Variants in C12orf42 observed in about 807,000 individuals in gnomAD.
The protein encoded by C12orf42 is chromosome 12 open reading frame 42.
C12orf42 carries 25 observed loss-of-function variants against 21.6 expected under a neutral mutation model. The observed-to-expected ratio is 1.16, with a 90% CI of 0.84 to 1.62. The LOEUF is 1.62. Ranked by LOEUF, C12orf42 falls within the 40% of genes most tolerant of loss-of-function variation. C12orf42 has a pLI of 0.00. For missense variants in C12orf42, 483 were observed against 459.3 expected, an observed-to-expected ratio of 1.05 and a Z score of -0.47; for synonymous variants, 174 against 175.0, an observed-to-expected ratio of 0.99 and a Z score of 0.05.
intron 1 of C12orf42, among the ~76,000 whole-genome samples, chr12:103,489,858 G>A (rs552675570): frequency 2.0e-5 from 3 of 152,102 alleles, no homozygotes; most frequent in Non-Finnish European, 4.4e-5. Flanking sequence ...AGCTTGTCAC[G>A]GCTTCCCTTG....
chr12:103,397,450 C>T (rs950798824), intron 3 of C12orf42, among the ~76,000 whole-genome samples: 1 of 152,172 alleles, frequency 6.6e-6, no homozygotes, highest in Admixed American at 6.5e-5. Context: ...ACTAGATTAT[C>T]ACAGGAGCTC....
chr12:103,294,440 A>G (rs369657550), intron 4 of C12orf42, among the ~76,000 whole-genome samples: 164 of 122,524 alleles, frequency 1.3e-3, no homozygotes, highest in African/African-American at 3.0e-3. Flanking sequence ...GAAAGAAAGA[A>G]AGAAAGAAAG....
the C12orf42 span, among the ~76,000 whole-genome samples, chr12:103,524,680 C>T: frequency 6.6e-6 from 1 of 152,144 alleles, no homozygotes; most frequent in African/African-American, 2.4e-5. Context: ...TGGGTCATTC[C>T]CTGGCAAGGT....
rs570934133 is a variant in C12orf42 at position 103,416,615 on chromosome 12, T to C, written c.79-14940A>G. ...CACATACATGCTACATTTATTACTA[T>C]ATGCAAGACAGTTAAAAAAAAAGAG... On this transcript the variant is annotated intron_variant, in intron 2 of 5. Transcript: ENST00000548883. Among the ~76,000 whole-genome samples the C allele has an allele frequency of 6.1e-5, 8 of 130,638 alleles. No individual in the cohort carries two copies. In the Admixed American group the frequency reaches 7.0e-4, roughly 11 times the overall value. 85.7% of individuals were successfully genotyped at this position (130,638 alleles called of 152,430 possible). A position where few individuals can be genotyped will look rare whatever the true frequency, so the allele number is the denominator to read the frequency against.
chr12:103,124,044 C>T, the C12orf42 span, among the ~76,000 whole-genome samples: 1 of 151,740 alleles, frequency 6.6e-6, no homozygotes, highest in Non-Finnish European at 1.5e-5. Flanking sequence ...GAAACTCTTA[C>T]CCTGTGGTCA....
At chr12:103,403,557 A>G (rs181734234) in intron 2 of C12orf42, among the ~76,000 whole-genome samples, 1 of 152,268 alleles carries the variant, frequency 6.6e-6, no homozygotes, top group East Asian at 1.9e-4. Context: ...AAATTTCAGA[A>G]TCTGGACTTT....
chr12:103,272,228 C>A (rs1436486654), intron 5 of C12orf42, among the ~76,000 whole-genome samples: 1 of 152,084 alleles, frequency 6.6e-6, no homozygotes, highest in Non-Finnish European at 1.5e-5. Context: ...TTGACCATGG[C>A]TGTCTTATTT....
At chr12:103,176,716 T>C in the C12orf42 span, among the ~76,000 whole-genome samples, 1 of 152,216 alleles carries the variant, frequency 6.6e-6, no homozygotes, top group Non-Finnish European at 1.5e-5. Flanking sequence ...TGTCTGGCTC[T>C]AGGATCTGTG....
rs1388346289 is a variant in C12orf42, at chr12:103,337,467, C to T, written c.260-31122G>A. 3.3e-5 allele frequency among the ~76,000 whole-genome samples: 5 copies of T among 152,204 alleles called. No homozygotes were observed. The East Asian group carries it at 5.8e-4, about 18-fold the overall frequency. ...CCAGGTTCAAGGGAATCCCCTGCCT[C>T]AGCCTCCCAAGTAGCTAGGACTACA... On this transcript the variant is annotated intron_variant, in intron 4 of 5. Coordinates refer to ENST00000548883, the MANE Select transcript of C12orf42 (RefSeq NM_198521.5).
chr12:103,451,279 C>T (rs1001408845), intron 2 of C12orf42, among the ~76,000 whole-genome samples: 10 of 151,728 alleles, frequency 6.6e-5, no homozygotes, highest in East Asian at 1.9e-4. Flanking sequence ...CAGGCTGGAG[C>T]GCAGAAGCAC....
chr12:103,238,687 T>C (rs764980168), intron 10 of C12orf42, among the ~76,000 whole-genome samples: 1 of 152,164 alleles, frequency 6.6e-6, no homozygotes, highest in African/African-American at 2.4e-5. Flanking sequence ...GATTATGCCC[T>C]TGATCTAGGA....
the C12orf42 span, among the ~76,000 whole-genome samples, chr12:103,180,615 C>CTTTTTTTTTT: frequency 1.8e-4 from 11 of 61,992 alleles, 1 homozygote; most frequent in African/African-American, 7.3e-4. Context: ...AAATAATTTC[C>CTTTTTTTTTT]TTTTTTTTTT....
chr12:103,355,338 T>A (rs75857428), intron 4 of C12orf42, among the ~76,000 whole-genome samples: 1 of 152,098 alleles, frequency 6.6e-6, no homozygotes, highest in African/African-American at 2.4e-5. Flanking sequence ...CATACATGCA[T>A]ACACTCTTGT....
At chr12:103,089,101 C>CAAAA in the C12orf42 span, among the ~76,000 whole-genome samples, 5,146 of 54,724 alleles carry the variant, frequency 0.094, 1,071 homozygotes, top group African/African-American at 0.32. Flanking sequence ...GACTCCATCT[C>CAAAA]AAAAAAAAAA....
chr12:103,376,925 CCT>C (rs1045607147), intron 3 of C12orf42, among the ~76,000 whole-genome samples: 19 of 148,838 alleles, frequency 1.3e-4, no homozygotes, highest in Admixed American at 1.0e-3. Context: ...TGCTCTCTCC[CCT>C]CTCTCTCCTT....
In C12orf42 at chr12:103,302,170, G is replaced by A. The variant is rs1445378064; in HGVS notation, c.1021C>T (p.Arg341Cys). The A allele has an allele frequency of 6.2e-7, 1 of 1,612,922 alleles. No homozygotes were observed. Among genetic ancestry groups the A allele is most frequent in the African/African-American group, 1.3e-5 (1 of 74,900 alleles). The change falls in exon 6 of 6, where the codon CGT becomes TGT. Residue 341 changes from arginine to cysteine, a missense_variant. Arg to Cys is a radical substitution (Grantham distance 180). Transcript: ENST00000548883. ...CSSAPPRPTR[R>C]FHTVCSQALS... Reference sequence around the variant, plus strand: ...GCCTGTGAACAAACCGTATGGAAACGCCGGGTTGGGCGGGGGGGTGCTGAG... The same window carrying A: ...GCCTGTGAACAAACCGTATGGAAACACCGGGTTGGGCGGGGGGGTGCTGAG...
chr12:103,183,380 C>G, the C12orf42 span, among the ~76,000 whole-genome samples: 1 of 152,182 alleles, frequency 6.6e-6, no homozygotes, highest in Non-Finnish European at 1.5e-5. Context: ...ACGCCCAGCC[C>G]TTGCTCTCTT....
chr12:103,529,065 C>T, the C12orf42 span, among the ~76,000 whole-genome samples: 2 of 151,924 alleles, frequency 1.3e-5, no homozygotes, highest in South Asian at 4.2e-4. Flanking sequence ...GAAAAAACAA[C>T]AACGAAAAAA....
chr12:103,460,091 C>T (rs543587426), intron 2 of C12orf42, among the ~76,000 whole-genome samples: 2 of 152,192 alleles, frequency 1.3e-5, no homozygotes, highest in African/African-American at 4.8e-5. Flanking sequence ...AATTAAGGCT[C>T]GCTGTTCTGA....
Sources: allele counts gnomAD v4.1 joint callset (sites outside exome capture counted in the v4.1 genomes callset), GRCh38; gene constraint gnomAD v4.1.1; transcripts MANE v1.5; gene names NCBI Gene and HGNC (gene_info 2026-07-23, HGNC 2026-07-21).